Variants in MEGF11 observed in about 807,000 individuals in gnomAD.
The protein encoded by MEGF11 is multiple EGF like domains 11.
In MEGF11, 126 loss-of-function variants were observed where a neutral mutation model predicts 146.6. That is an observed-to-expected ratio of 0.86 (90% confidence interval 0.74 to 1.00). The LOEUF is 1.00. Ranked by LOEUF, MEGF11 falls within the 50% of genes least tolerant of loss-of-function variation. The pLI is 0.00. For missense variants in MEGF11, 1,509 were observed against 1,521.2 expected, an observed-to-expected ratio of 0.99 and a Z score of 0.13; for synonymous variants, 532 against 583.4, an observed-to-expected ratio of 0.91 and a Z score of 1.27.
intron 1 of MEGF11, among the ~76,000 whole-genome samples, chr15:66,204,329 G>C (rs1056897528): frequency 2.0e-5 from 3 of 152,032 alleles, no homozygotes; most frequent in Non-Finnish European, 4.4e-5. Context: ...TTGAGCCCAG[G>C]GTGGGACAGA....
At position 66,124,071 on chromosome 15, in the gene MEGF11, C is replaced by G. The variant is rs2088203638; in HGVS notation, c.99-71G>C. 1.2e-4 allele frequency: 157 copies of G among 1,271,380 alleles called. 3 individuals carry two copies. The South Asian group carries it at 1.9e-3, about 15-fold the overall frequency. 78.8% of individuals were successfully genotyped at this position (1,271,380 alleles called of 1,614,324 possible). A position where few individuals can be genotyped will look rare whatever the true frequency, so the allele number is the denominator to read the frequency against. On this transcript the variant is annotated intron_variant, in intron 2 of 25. Coordinates refer to ENST00000395614, the MANE Select transcript of MEGF11 (RefSeq NM_001385028.1). ...GCTGAGCTGATATTCCGCAGGGCAT[C>G]TGAGCCCACAGCCCTGAGGCCAAGC...
chr15:65,979,035 G>A (rs780279428), intron 7 of MEGF11, among the ~76,000 whole-genome samples: 116 of 151,804 alleles, frequency 7.6e-4, no homozygotes, highest in Non-Finnish European at 1.3e-3. Context: ...AAATGGAGAG[G>A]TGGGGGTGGG....
At chr15:65,963,834 C>G (rs28373198) in intron 9 of MEGF11, among the ~76,000 whole-genome samples, 1,524 of 152,330 alleles carry the variant, frequency 0.01, 21 homozygotes, top group African/African-American at 0.033. Flanking sequence ...CACTTGCCGA[C>G]ATGCCTCTGC....
At chr15:65,954,084 C>T (rs1296643389) in intron 10 of MEGF11, among the ~76,000 whole-genome samples, 3 of 152,146 alleles carry the variant, frequency 2.0e-5, no homozygotes, top group Non-Finnish European at 4.4e-5. Context: ...TCCCATCGTT[C>T]AGATAGGGAA....
chr15:66,236,063 G>C (rs529760889), intron 1 of MEGF11, among the ~76,000 whole-genome samples: 1 of 152,202 alleles, frequency 6.6e-6, no homozygotes, highest in Non-Finnish European at 1.5e-5. Context: ...TTCAGGGAAG[G>C]CTTCCTGGAG....
At chr15:66,121,409 T>C (rs1302739950) in intron 3 of MEGF11, among the ~76,000 whole-genome samples, 1 of 152,216 alleles carries the variant, frequency 6.6e-6, no homozygotes, top group African/African-American at 2.4e-5. Context: ...ATAGCTGAGT[T>C]GCTCCTATTG....
chr15:66,025,766 C>T (rs964996751), intron 5 of MEGF11, among the ~76,000 whole-genome samples: 4 of 152,172 alleles, frequency 2.6e-5, no homozygotes, highest in Non-Finnish European at 4.4e-5. Context: ...GGCTTGCAGA[C>T]TTACACTTCT....
intron 1 of MEGF11, among the ~76,000 whole-genome samples, chr15:66,203,282 T>C (rs558041400): frequency 2.0e-5 from 3 of 152,346 alleles, no homozygotes; most frequent in African/African-American, 7.2e-5. Context: ...ACATGCAGGC[T>C]ACCGTGTGGT....
intron 7 of MEGF11, among the ~76,000 whole-genome samples, chr15:65,975,668 A>AT: frequency 1.3e-5 from 2 of 152,214 alleles, no homozygotes; most frequent in Non-Finnish European, 2.9e-5. Flanking sequence ...TCAGGTGATC[A>AT]TTCTGAGCCT....
chr15:65,970,465 A>G (rs774527132), intron 8 of MEGF11, 88 bp downstream of exon 8: 5 of 1,419,576 alleles, frequency 3.5e-6, no homozygotes, highest in Non-Finnish European at 3.8e-6. Flanking sequence ...GAAGGCTGGC[A>G]GAGAGAGGGC....
At chr15:66,188,524 C>G (rs142526067) in intron 1 of MEGF11, among the ~76,000 whole-genome samples, 68 of 152,330 alleles carry the variant, frequency 4.5e-4, no homozygotes, top group Non-Finnish European at 8.5e-4. Flanking sequence ...GCTAGACCTT[C>G]CCGCACACAC....
chr15:66,217,311 G>A (rs2091609545), intron 1 of MEGF11, among the ~76,000 whole-genome samples: 1 of 152,234 alleles, frequency 6.6e-6, no homozygotes, highest in African/African-American at 2.4e-5. Flanking sequence ...CACCTGCGCA[G>A]GGACAGCCTC....
chr15:66,243,969 T>A (rs1269115547), intron 1 of MEGF11, among the ~76,000 whole-genome samples: 1 of 152,172 alleles, frequency 6.6e-6, no homozygotes, highest in Non-Finnish European at 1.5e-5. Flanking sequence ...ACCAAGCCTG[T>A]TGTTGTCACT....
At chr15:66,176,993 C>G (rs1044674085) in intron 1 of MEGF11, among the ~76,000 whole-genome samples, 7 of 152,222 alleles carry the variant, frequency 4.6e-5, no homozygotes, top group Admixed American at 3.3e-4. Flanking sequence ...ACCATTTGAT[C>G]TAACCCCTGG....
chr15:66,185,290 G>A (rs557079898), intron 1 of MEGF11, among the ~76,000 whole-genome samples: 46 of 152,128 alleles, frequency 3.0e-4, no homozygotes, highest in African/African-American at 1.1e-3. Flanking sequence ...CCCACAACCC[G>A]CCCCTGTTCC....
intron 5 of MEGF11, among the ~76,000 whole-genome samples, chr15:66,059,337 C>G (rs1168745104): frequency 1.3e-5 from 2 of 152,222 alleles, no homozygotes; most frequent in East Asian, 3.9e-4. Flanking sequence ...CCCGCTACCC[C>G]TTCTCCCAGC....
At chr15:66,110,412 C>A (rs1004140982) in intron 4 of MEGF11, among the ~76,000 whole-genome samples, 9 of 152,148 alleles carry the variant, frequency 5.9e-5, no homozygotes, top group African/African-American at 2.2e-4. Context: ...GGACTGGGGA[C>A]CAGACCACGG....
At chr15:66,024,797 G>C in intron 5 of MEGF11, among the ~76,000 whole-genome samples, 1 of 152,154 alleles carries the variant, frequency 6.6e-6, no homozygotes, top group East Asian at 1.9e-4. Flanking sequence ...GGATGGGGCC[G>C]GGACGGGGGC....
chr15:65,999,760 T>C (rs910047907), intron 5 of MEGF11, among the ~76,000 whole-genome samples: 3 of 152,130 alleles, frequency 2.0e-5, no homozygotes, highest in Non-Finnish European at 2.9e-5. Context: ...TTCAAGAAAA[T>C]GTGGAGATAA....
Sources: gnomAD v4.1 joint callset for allele counts (sites outside exome capture counted in the v4.1 genomes callset) on GRCh38, gnomAD v4.1.1 for gene constraint, MANE v1.5 for transcripts, NCBI Gene and HGNC (gene_info 2026-07-23, HGNC 2026-07-21) for gene names.